The following CELF4 variants were observed in gnomAD, a reference collection of about 807,000 sequenced individuals.
CELF4 encodes the protein CUGBP Elav-like family member 4.
A neutral mutation model predicts 59.9 loss-of-function variants in CELF4; 18 were observed. The ratio of observed to expected loss-of-function variants is 0.30; its 90% CI spans 0.21 to 0.45. CELF4 has a LOEUF of 0.45. CELF4 is among the 20% of genes least tolerant of loss of function. The pLI, the probability that CELF4 is intolerant of heterozygous loss-of-function variation, is 1.00. For synonymous variants in CELF4, 261 were observed against 267.1 expected (o/e 0.98, Z 0.22); for missense variants, 456 against 689.0 (o/e 0.66, Z 3.79).
At chr18:37,261,654 C>T (rs1362655666) in intron 10 of CELF4, among the ~76,000 whole-genome samples, 1 of 152,234 alleles carries the variant, frequency 6.6e-6, no homozygotes, top group Non-Finnish European at 1.5e-5. Context: ...CCAGCCCAGC[C>T]TTCTGAGAAA....
intron 2 of CELF4, among the ~76,000 whole-genome samples, chr18:37,441,171 G>C (rs1352091184): frequency 6.6e-6 from 1 of 152,154 alleles, no homozygotes; most frequent in Non-Finnish European, 1.5e-5. Flanking sequence ...CAGCCACGGA[G>C]GGTGGGGCAG....
chr18:37,307,236 T>G (rs8091563), intron 3 of CELF4, among the ~76,000 whole-genome samples: 82,027 of 151,992 alleles, frequency 0.54, 22,642 homozygotes, highest in African/African-American at 0.66. Context: ...AATTGGACCT[T>G]CTCATAGCTC....
At chr18:37,441,385 C>T (rs1470487415) in intron 2 of CELF4, among the ~76,000 whole-genome samples, 4 of 151,580 alleles carry the variant, frequency 2.6e-5, no homozygotes, top group African/African-American at 9.7e-5. Context: ...GGGATGGTTG[C>T]TGGGAGACGG....
At chr18:37,537,911 T>C (rs1034145860) in intron 1 of CELF4, among the ~76,000 whole-genome samples, 1 of 152,224 alleles carries the variant, frequency 6.6e-6, no homozygotes, top group African/African-American at 2.4e-5. Context: ...CTCCCCGACC[T>C]GGTGTCCCAT....
At chr18:37,396,245 G>A (rs2099243705) in intron 2 of CELF4, among the ~76,000 whole-genome samples, 1 of 152,172 alleles carries the variant, frequency 6.6e-6, no homozygotes, top group African/African-American at 2.4e-5. Flanking sequence ...TGCCTGCCTT[G>A]CCAACAGCCA....
chr18:37,264,320 C>T (rs545908679), intron 10 of CELF4, among the ~76,000 whole-genome samples: 2 of 152,334 alleles, frequency 1.3e-5, no homozygotes, highest in East Asian at 3.9e-4. Context: ...AAGGGGTTCT[C>T]ATAGACCAAG....
At chr18:37,536,128 T>G (rs1327993160) in intron 1 of CELF4, among the ~76,000 whole-genome samples, 1 of 152,038 alleles carries the variant, frequency 6.6e-6, no homozygotes, top group Non-Finnish European at 1.5e-5. Flanking sequence ...TGGACATTTT[T>G]TTGTTGTTGT....
intron 3 of CELF4, among the ~76,000 whole-genome samples, chr18:37,320,427 T>C (rs2097068823): frequency 6.6e-6 from 1 of 151,882 alleles, no homozygotes; most frequent in Non-Finnish European, 1.5e-5. Flanking sequence ...CTTTCCGGGC[T>C]GCTCCTGTCT....
At chr18:37,561,385 C>T (rs902222180) in intron 1 of CELF4, among the ~76,000 whole-genome samples, 1 of 152,212 alleles carries the variant, frequency 6.6e-6, no homozygotes, top group Non-Finnish European at 1.5e-5. Flanking sequence ...CCTTTGGGGA[C>T]AGCCTTATGT....
intron 2 of CELF4, among the ~76,000 whole-genome samples, chr18:37,325,365 C>T (rs949768991): frequency 3.9e-5 from 6 of 152,200 alleles, no homozygotes; most frequent in East Asian, 1.9e-4. Flanking sequence ...GTGAGTCCTG[C>T]GGATTCGCCT....
At chr18:37,483,143 C>T (rs975293703) in intron 2 of CELF4, among the ~76,000 whole-genome samples, 1 of 152,112 alleles carries the variant, frequency 6.6e-6, no homozygotes, top group Non-Finnish European at 1.5e-5. Flanking sequence ...GGCTTGGTCC[C>T]GTCCCTGCAT....
intron 2 of CELF4, among the ~76,000 whole-genome samples, chr18:37,430,568 C>T (rs1050067731): frequency 2.6e-5 from 4 of 152,200 alleles, no homozygotes; most frequent in African/African-American, 9.6e-5. Context: ...GGCACAAGCC[C>T]AACCCAGCAC....
At chr18:37,531,015 G>A (rs1025675878) in intron 1 of CELF4, among the ~76,000 whole-genome samples, 1 of 152,020 alleles carries the variant, frequency 6.6e-6, no homozygotes, top group Non-Finnish European at 1.5e-5. Flanking sequence ...GGGTAAGCAG[G>A]TGTCTTATCT....
intron 2 of CELF4, among the ~76,000 whole-genome samples, chr18:37,436,602 C>T (rs1385798177): frequency 6.6e-6 from 1 of 152,220 alleles, no homozygotes; most frequent in Admixed American, 6.5e-5. Flanking sequence ...CAGCACTTCC[C>T]TGGCAAGCAG....
intron 2 of CELF4, 76 bp downstream of exon 2, chr18:37,485,449 C>A (rs1489914504): frequency 1.5e-5 from 14 of 942,750 alleles, no homozygotes; most frequent in Non-Finnish European, 1.9e-5. Context: ...CCCCGCGCGC[C>A]GCGCCGCCGC....
At chr18:37,450,970 G>T (rs1310028857) in intron 2 of CELF4, among the ~76,000 whole-genome samples, 2 of 152,172 alleles carry the variant, frequency 1.3e-5, no homozygotes, top group African/African-American at 4.8e-5. Context: ...CCCACCCACT[G>T]CCCTGAGTGT....
chr18:37,488,797 G>C (rs532746878), intron 1 of CELF4, among the ~76,000 whole-genome samples: 3 of 152,272 alleles, frequency 2.0e-5, no homozygotes, highest in Admixed American at 6.5e-5. Flanking sequence ...CCCTTTTCGG[G>C]TTCAGAGAGG....
chr18:37,353,017 C>G (rs185354148), intron 2 of CELF4, among the ~76,000 whole-genome samples: 1,600 of 152,006 alleles, frequency 0.011, 31 homozygotes, highest in Admixed American at 0.042. Context: ...GTCAGGAGAT[C>G]GAGACCATCC....
intron 8 of CELF4, 76 bp from the exon 9 acceptor site, chr18:37,266,674 G>T: frequency 8.0e-7 from 1 of 1,247,624 alleles, no homozygotes; most frequent in Non-Finnish European, 1.1e-6. Context: ...TGGGGACAAT[G>T]ATGTAGCTGT....
Sources: allele counts gnomAD v4.1 joint callset (sites outside exome capture counted in the v4.1 genomes callset), GRCh38; gene constraint gnomAD v4.1.1; transcripts MANE v1.5; gene names NCBI Gene and HGNC (gene_info 2026-07-23, HGNC 2026-07-21).